Variants in CALN1 observed in about 807,000 individuals in gnomAD.
CALN1 encodes the protein calneuron 1.
CALN1 carries 17 observed loss-of-function variants against 30.6 expected under a neutral mutation model. That is an observed-to-expected ratio of 0.56 (90% CI 0.38 to 0.83). The LOEUF (loss-of-function observed/expected upper bound fraction) is 0.83, where lower values mean the gene tolerates loss of function less well. Among genes scored for constraint, CALN1 ranks in the 40% least tolerant of loss-of-function variants. The pLI is 0.00. For synonymous variants in CALN1, 156 were observed against 131.4 expected, an observed-to-expected ratio of 1.19 and a Z score of -1.28; for missense variants, 291 against 354.9, an observed-to-expected ratio of 0.82 and a Z score of 1.45.
At chr7:72,389,252 T>A (rs1035290214) in intron 2 of CALN1, among the ~76,000 whole-genome samples, 1 of 152,194 alleles carries the variant, frequency 6.6e-6, no homozygotes, top group African/African-American at 2.4e-5. Context: ...CAGGAATTCT[T>A]CCAGTTCTCC....
intron 5 of CALN1, among the ~76,000 whole-genome samples, chr7:71,955,877 T>C (rs1219591711): frequency 6.6e-6 from 1 of 152,082 alleles, no homozygotes; most frequent in Non-Finnish European, 1.5e-5. Flanking sequence ...GGCTGAAGAT[T>C]GAAAAGCCGC....
At chr7:72,397,712 T>TATCACACACACA (rs1806057409) in intron 2 of CALN1, among the ~76,000 whole-genome samples, 1 of 70,218 alleles carries the variant, frequency 1.4e-5, no homozygotes, top group Non-Finnish European at 2.9e-5. Flanking sequence ...ACCCATTCTC[T>TATCACACACACA]CTCACACACA....
At chr7:72,066,708 G>A (rs2129537577) in intron 4 of CALN1, among the ~76,000 whole-genome samples, 1 of 152,078 alleles carries the variant, frequency 6.6e-6, no homozygotes, top group South Asian at 2.1e-4. Context: ...GAACTCCTTG[G>A]CTCAAGTAAT....
intron 2 of CALN1, among the ~76,000 whole-genome samples, chr7:72,319,915 G>A (rs570330748): frequency 4.8e-4 from 73 of 152,146 alleles, no homozygotes; most frequent in Non-Finnish European, 8.4e-4. Flanking sequence ...TACACTATTC[G>A]GGCGATGGTT....
chr7:72,299,804 G>A (rs1054058636), intron 2 of CALN1, among the ~76,000 whole-genome samples: 1 of 150,976 alleles, frequency 6.6e-6, no homozygotes. Context: ...CAAAGTGCTA[G>A]CATTACAGGC....
At chr7:72,382,492 G>A (rs893524645) in intron 2 of CALN1, among the ~76,000 whole-genome samples, 1 of 152,088 alleles carries the variant, frequency 6.6e-6, no homozygotes, top group African/African-American at 2.4e-5. Context: ...AGATTCAAAG[G>A]ATACATGTGC....
the CALN1 span, among the ~76,000 whole-genome samples, chr7:72,492,824 T>G: frequency 3.3e-5 from 5 of 152,230 alleles, no homozygotes; most frequent in African/African-American, 1.2e-4. Context: ...AATGCATCCC[T>G]GCTGGCACAT....
chr7:72,389,550 T>G (rs1350805529), intron 2 of CALN1, among the ~76,000 whole-genome samples: 1 of 152,146 alleles, frequency 6.6e-6, no homozygotes, highest in Non-Finnish European at 1.5e-5. Flanking sequence ...AAGTGTAACG[T>G]CTCCTTAAGA....
intron 3 of CALN1, among the ~76,000 whole-genome samples, chr7:72,271,443 AG>A (rs1307321017): frequency 6.7e-6 from 1 of 150,352 alleles, no homozygotes; most frequent in African/African-American, 2.5e-5. Flanking sequence ...CTTTTTTCTG[AG>A]GGAGTGCCAT....
intron 2 of CALN1, among the ~76,000 whole-genome samples, chr7:72,333,104 A>G (rs770257063): frequency 6.6e-6 from 1 of 152,146 alleles, no homozygotes; most frequent in Non-Finnish European, 1.5e-5. Context: ...CACGTGTTCT[A>G]ATTTCTCAGA....
At chr7:72,456,229 G>A in the CALN1 span, among the ~76,000 whole-genome samples, 1 of 151,476 alleles carries the variant, frequency 6.6e-6, no homozygotes, top group Admixed American at 6.6e-5. Context: ...CATTGTAAGA[G>A]GGATCCTTCA....
At chr7:72,405,407 TAAC>T (rs1204555403) in intron 1 of CALN1, among the ~76,000 whole-genome samples, 20 of 152,042 alleles carry the variant, frequency 1.3e-4, no homozygotes, top group Admixed American at 3.3e-4. Flanking sequence ...TCAGGAAACT[TAAC>T]AATTATGGTG....
At chr7:72,026,387 A>T (rs140478983) in intron 4 of CALN1, among the ~76,000 whole-genome samples, 188 of 152,154 alleles carry the variant, frequency 1.2e-3, no homozygotes, top group African/African-American at 4.2e-3. Context: ...GGAGTTCGAG[A>T]CCAGTCTGGC....
chr7:72,480,967 T>C, the CALN1 span, among the ~76,000 whole-genome samples: 1 of 152,200 alleles, frequency 6.6e-6, no homozygotes, highest in South Asian at 2.1e-4. Flanking sequence ...TTTTTGTTGT[T>C]GTTTTTTGAG....
chr7:72,378,706 G>A (rs535148666), intron 2 of CALN1, among the ~76,000 whole-genome samples: 165 of 149,544 alleles, frequency 1.1e-3, no homozygotes, highest in Non-Finnish European at 1.9e-3. Context: ...TTTTTGAGAC[G>A]GAATCTCAAA....
intron 3 of CALN1, among the ~76,000 whole-genome samples, chr7:72,137,924 A>G (rs1447679920): frequency 6.6e-6 from 1 of 152,236 alleles, no homozygotes; most frequent in Non-Finnish European, 1.5e-5. Flanking sequence ...ATGTGCTCCA[A>G]TGTCTACAAT....
chr7:72,010,917 G>C (rs1800041326), intron 5 of CALN1, among the ~76,000 whole-genome samples: 1 of 152,028 alleles, frequency 6.6e-6, no homozygotes, highest in African/African-American at 2.4e-5. Context: ...CACTTTGGGA[G>C]GCTGAGGTGG....
At chr7:72,411,877 T>C (rs990611212) in intron 1 of CALN1, among the ~76,000 whole-genome samples, 181 bp downstream of exon 1, 11 of 152,214 alleles carry the variant, frequency 7.2e-5, no homozygotes, top group Admixed American at 4.6e-4. Flanking sequence ...AAATAGTTGA[T>C]GAAGCAACTC....
At chr7:72,250,613 C>G (rs923830590) in intron 3 of CALN1, among the ~76,000 whole-genome samples, 1 of 152,012 alleles carries the variant, frequency 6.6e-6, no homozygotes, top group Admixed American at 6.6e-5. Flanking sequence ...TGGGGCGGAT[C>G]CCTCATGAAT....
Sources: gnomAD v4.1 joint callset for allele counts (sites outside exome capture counted in the v4.1 genomes callset) on GRCh38, gnomAD v4.1.1 for gene constraint, MANE v1.5 for transcripts, NCBI Gene and HGNC (gene_info 2026-07-23, HGNC 2026-07-21) for gene names.